Variants in ADAMTS19 observed in about 807,000 individuals in gnomAD.
ADAMTS19 encodes the protein A disintegrin and metalloproteinase with thrombospondin motifs 19.
In ADAMTS19, 93 loss-of-function variants were observed where a neutral mutation model predicts 153.3. The observed-to-expected ratio is 0.61, with a 90% CI of 0.51 to 0.72. ADAMTS19 has a LOEUF of 0.72. ADAMTS19 is among the 30% of genes least tolerant of loss of function. The probability of loss-of-function intolerance (pLI) is 0.00; values close to 1 mark genes in which losing one functional copy is unlikely to be tolerated. For synonymous variants in ADAMTS19, 600 were observed against 556.6 expected, an observed-to-expected ratio of 1.08 and a Z score of -1.10; for missense variants, 1,482 against 1,552.1, an observed-to-expected ratio of 0.95 and a Z score of 0.76.
rs545385738 is a variant in ADAMTS19, at chr5:129,532,575, C to T, written c.1328+3898C>T. 9.2e-5 allele frequency among the ~76,000 whole-genome samples: 14 copies of T among 152,166 alleles called. No homozygotes were observed. In the South Asian group the frequency reaches 1.0e-3, roughly 11 times the overall value. On this transcript the variant is annotated intron_variant, in intron 6 of 22. Transcript: ENST00000274487. ...ATTTGCTTACCATTTAGCCCACATC[C>T]GCTTCTTAGATATTTACTTAAGAAA...
intron 6 of ADAMTS19, among the ~76,000 whole-genome samples, chr5:129,528,922 T>C (rs979226079): frequency 2.0e-5 from 3 of 152,108 alleles, no homozygotes; most frequent in Non-Finnish European, 2.9e-5. Flanking sequence ...ATTTTTGACC[T>C]CAAAGGCATA....
chr5:129,478,196 A>G (rs1438712035), intron 2 of ADAMTS19, among the ~76,000 whole-genome samples: 1 of 152,204 alleles, frequency 6.6e-6, no homozygotes, highest in Non-Finnish European at 1.5e-5. Flanking sequence ...GTTTTTAGAA[A>G]TGAAATTATA....
intron 10 of ADAMTS19, among the ~76,000 whole-genome samples, chr5:129,634,013 G>A (rs1358124118): frequency 6.6e-6 from 1 of 152,064 alleles, no homozygotes; most frequent in Non-Finnish European, 1.5e-5. Flanking sequence ...CACCACCTCA[G>A]TTTCTGTCTT....
intron 20 of ADAMTS19, among the ~76,000 whole-genome samples, chr5:129,702,941 A>AAAAAATATATATATAT: frequency 1.7e-4 from 5 of 29,300 alleles, no homozygotes; most frequent in African/African-American, 3.4e-4. Context: ...AAAAAAAAAA[A>AAAAAATATATATATAT]ATATATATAT....
intron 8 of ADAMTS19, among the ~76,000 whole-genome samples, chr5:129,614,069 A>G (rs1247236213): frequency 2.0e-5 from 3 of 152,160 alleles, no homozygotes; most frequent in African/African-American, 7.2e-5. Flanking sequence ...AAAAAAGTCC[A>G]AGACCAGACG....
chr5:129,616,428 A>C (rs747295793), intron 8 of ADAMTS19, among the ~76,000 whole-genome samples: 6 of 151,990 alleles, frequency 3.9e-5, no homozygotes, highest in Non-Finnish European at 8.8e-5. Flanking sequence ...TTAAAATATT[A>C]CTGTTTACAA....
chr5:129,568,548 G>C (rs373370714), intron 7 of ADAMTS19, among the ~76,000 whole-genome samples: 1 of 152,160 alleles, frequency 6.6e-6, no homozygotes, highest in Non-Finnish European at 1.5e-5. Context: ...CACTGGGCAT[G>C]GTCACTCATG....
chr5:129,728,409 C>T (rs148626599), intron 21 of ADAMTS19, among the ~76,000 whole-genome samples: 48 of 152,086 alleles, frequency 3.2e-4, no homozygotes, highest in Non-Finnish European at 4.4e-4. Context: ...ATGTACACAA[C>T]GTGCAGGTTT....
Position 129,571,699 on chromosome 5 carries a change from C to CA in ADAMTS19, c.1372+19794dup, listed in dbSNP as rs560160565. Among the ~76,000 whole-genome samples, 282 of 151,740 alleles carry CA rather than the reference C, an allele frequency of 1.9e-3. 1 individual carries two copies. Among genetic ancestry groups the CA allele is most frequent in the Non-Finnish European group, 3.1e-3 (207 of 67,732 alleles). ...TAAAATTTATATGCAACTGAATGAT[C>CA]AACACAATTTTGAATAGAAAAATCG... On this transcript the variant is annotated intron_variant, in intron 7 of 22. Transcript: ENST00000274487.
At chr5:129,719,486 T>C (rs1188405373) in intron 21 of ADAMTS19, among the ~76,000 whole-genome samples, 1 of 152,186 alleles carries the variant, frequency 6.6e-6, no homozygotes, top group Non-Finnish European at 1.5e-5. Context: ...TAACATTTAG[T>C]TAATAATTTT....
intron 15 of ADAMTS19, among the ~76,000 whole-genome samples, chr5:129,659,299 T>G (rs1352291412): frequency 6.6e-6 from 1 of 152,194 alleles, no homozygotes; most frequent in African/African-American, 2.4e-5. Flanking sequence ...CTATAAATAC[T>G]AATACTCAGG....
intron 18 of ADAMTS19, among the ~76,000 whole-genome samples, chr5:129,688,815 T>C (rs1755203540): frequency 6.6e-6 from 1 of 152,102 alleles, no homozygotes; most frequent in Admixed American, 6.5e-5. Flanking sequence ...GCTTGAAATG[T>C]TTTTGTGAAA....
chr5:129,529,814 G>T (rs1752135836), intron 6 of ADAMTS19, among the ~76,000 whole-genome samples: 1 of 152,092 alleles, frequency 6.6e-6, no homozygotes, highest in African/African-American at 2.4e-5. Flanking sequence ...ACAGATAGAG[G>T]AAACTGCCCC....
At chr5:129,557,949 A>G (rs1348024219) in intron 7 of ADAMTS19, among the ~76,000 whole-genome samples, 6 of 152,094 alleles carry the variant, frequency 3.9e-5, no homozygotes, top group Non-Finnish European at 8.8e-5. Context: ...GTAGTTTAAC[A>G]TTAGAACATT....
At chr5:129,658,481 C>A in intron 14 of ADAMTS19, 136 bp from the exon 15 acceptor site, 1 of 864,354 alleles carries the variant, frequency 1.2e-6, no homozygotes, top group Non-Finnish European at 1.7e-6. Context: ...CAGAGAATGA[C>A]ATTTTATAAT....
intron 21 of ADAMTS19, among the ~76,000 whole-genome samples, chr5:129,732,000 G>C (rs183165294): frequency 6.6e-6 from 1 of 151,914 alleles, no homozygotes; most frequent in Non-Finnish European, 1.5e-5. Flanking sequence ...ATAAAATAAC[G>C]GTATTTTCTC....
intron 8 of ADAMTS19, among the ~76,000 whole-genome samples, chr5:129,615,373 A>G (rs1301499127): frequency 6.6e-6 from 1 of 152,028 alleles, no homozygotes; most frequent in Admixed American, 6.6e-5. Context: ...TTCATCCTGT[A>G]GATCATTGCT....
At chr5:129,628,923 A>G (rs1196969188) in intron 10 of ADAMTS19, among the ~76,000 whole-genome samples, 3 of 152,112 alleles carry the variant, frequency 2.0e-5, no homozygotes, top group African/African-American at 4.8e-5. Flanking sequence ...TGTTCACACA[A>G]TGACTACATT....
intron 2 of ADAMTS19, among the ~76,000 whole-genome samples, chr5:129,472,137 T>G (rs893276748): frequency 1.9e-4 from 29 of 152,242 alleles, no homozygotes; most frequent in African/African-American, 6.3e-4. Flanking sequence ...CTTCACTATC[T>G]TCCACAATGG....
Sources: gnomAD v4.1 joint callset for allele counts (sites outside exome capture counted in the v4.1 genomes callset) on GRCh38, gnomAD v4.1.1 for gene constraint, MANE v1.5 for transcripts, NCBI Gene and HGNC (gene_info 2026-07-23, HGNC 2026-07-21) for gene names.